The following STAMBPL1 variants were observed in gnomAD, a reference collection of about 807,000 sequenced individuals.
STAMBPL1 encodes the protein AMSH-like protease.
STAMBPL1 carries 44 observed loss-of-function variants against 52.9 expected under a neutral mutation model. The ratio of observed to expected loss-of-function variants is 0.83; its 90% CI spans 0.65 to 1.07. STAMBPL1 has a LOEUF of 1.07. Among genes scored for constraint, STAMBPL1 ranks in the 50% least tolerant of loss-of-function variants. STAMBPL1 has a pLI of 0.00. For missense variants in STAMBPL1, 511 were observed against 520.8 expected (o/e 0.98, Z 0.18); for synonymous variants, 164 against 177.3 (o/e 0.92, Z 0.60).
chr10:88,916,745 T>G lies in STAMBPL1; in HGVS notation c.969T>G (p.Cys323Trp). ...AGCAGTCTGCGGGACCAGACTATTG[T>G]GACATGGAGAATGTAGAGGAATTAT... ...VPKQSAGPDY[C>W]DMENVEELFN... is the part of the protein sequence containing the mutation. The change falls in exon 8 of 11, where the codon TGT becomes TGG. Residue 323 changes from cysteine to tryptophan, a missense_variant. Cys to Trp is a radical substitution (Grantham distance 215). Around this residue, in one of 3 missense-constraint regions of STAMBPL1, gnomAD observed 137 missense variants for 139.9 expected, o/e 0.98. Transcript: ENST00000371926. The G allele has an allele frequency of 6.2e-7, 1 of 1,610,864 alleles. No individual in the cohort carries two copies. The highest frequency in any genetic ancestry group is 8.5e-7 in the Non-Finnish European group (1 of 1,178,602).
chr10:88,903,771 C>G (rs1324452736), intron 2 of STAMBPL1, among the ~76,000 whole-genome samples: 2 of 152,172 alleles, frequency 1.3e-5, no homozygotes, highest in African/African-American at 4.8e-5. Flanking sequence ...AAGCCCGAGG[C>G]TCAAAGTTCA....
At chr10:88,908,171 G>C (rs571497666) in intron 3 of STAMBPL1, among the ~76,000 whole-genome samples, 1 of 152,180 alleles carries the variant, frequency 6.6e-6, no homozygotes, top group Admixed American at 6.5e-5. Flanking sequence ...AAACGGTGAC[G>C]AAAAATAATG....
At position 88,913,146 on chromosome 10, in the gene STAMBPL1, T is replaced by G; in HGVS notation, c.466T>G (p.Leu156Val). 6.2e-7 allele frequency: 1 copy of G among 1,611,734 alleles called. No individual in the cohort carries two copies. The highest frequency in any genetic ancestry group is 8.5e-7 in the Non-Finnish European group (1 of 1,178,988). Residue 156 changes from leucine to valine, a missense_variant, in exon 6 of 11, where the codon TTG becomes GTG. Physicochemically the swap from Leu to Val is conservative, Grantham distance 32 (BLOSUM62 1). Around this residue, in one of 3 missense-constraint regions of STAMBPL1, gnomAD observed 358 missense variants for 343.5 expected, o/e 1.04. Coordinates refer to ENST00000371926, the MANE Select transcript of STAMBPL1 (RefSeq NM_020799.4). Reference sequence around the variant, plus strand: ...TCTCAAAAAATTGGAGCATCAGAGATTGATAGAGGCAGAAAGGAAGCGGAT... The same window carrying G: ...TCTCAAAAAATTGGAGCATCAGAGAGTGATAGAGGCAGAAAGGAAGCGGAT... ...EILKKLEHQR[L>V]IEAERKRIAQ...
In STAMBPL1 at chr10:88,923,391, G is replaced by T; in HGVS notation, c.*167G>T. ...TTGCACATTTTAAAGTTTTCTTTTT[G>T]GGTTGCTCTGTGTCAAGAGAGGTTA... On this transcript the variant is annotated 3_prime_UTR_variant, in exon 11 of 11. Coordinates refer to ENST00000371926, the MANE Select transcript of STAMBPL1 (RefSeq NM_020799.4). 7.3e-7 allele frequency: 1 copy of T among 1,368,482 alleles called. No homozygotes were observed. The highest frequency in any genetic ancestry group is 9.4e-7 in the Non-Finnish European group (1 of 1,067,384). 84.8% of individuals were successfully genotyped at this position (1,368,482 alleles called of 1,614,324 possible).
chr10:88,897,457 C>G (rs560896462), intron 1 of STAMBPL1, among the ~76,000 whole-genome samples: 2 of 152,196 alleles, frequency 1.3e-5, no homozygotes, highest in African/African-American at 4.8e-5. Context: ...GCAATAAAAG[C>G]AAGAAGGCAA....
At chr10:88,883,899 T>A (rs975240983) in intron 1 of STAMBPL1, among the ~76,000 whole-genome samples, 1 of 152,212 alleles carries the variant, frequency 6.6e-6, no homozygotes, top group East Asian at 1.9e-4. Context: ...GACTCCTTTT[T>A]TTTTGTTTTT....
rs570841518 is a variant in STAMBPL1, at chr10:88,886,695, G to T, written c.-54+6057G>T. Among the ~76,000 whole-genome samples the T allele has an allele frequency of 6.6e-5, 10 of 152,268 alleles. 1 individual carries two copies. The highest frequency in any genetic ancestry group is 4.1e-4 in the South Asian group (2 of 4,826). On this transcript the variant is annotated intron_variant, in intron 1 of 10. Transcript: ENST00000371926. ...TTAATTTAGAAACAGGAGGCCAGTG[G>T]TGACTCATTTTTAACCCTTTTTAGC...
intron 1 of STAMBPL1, chr10:88,882,249 T>A (rs1844424359): frequency 6.6e-6 from 1 of 152,178 alleles, no homozygotes; most frequent in Admixed American, 6.5e-5. Context: ...ATTCTTACGG[T>A]TTGTGGGAGG....
chr10:88,887,901 G>A (rs922414487), intron 1 of STAMBPL1, among the ~76,000 whole-genome samples: 3 of 152,184 alleles, frequency 2.0e-5, no homozygotes, highest in African/African-American at 7.2e-5. Flanking sequence ...ATCCGCTTAA[G>A]AGCTAAATCT....
Position 88,922,435 on chromosome 10 carries a change from G to C in STAMBPL1, c.1253G>C (p.Ser418Thr). 1 of 1,613,116 alleles carries C rather than the reference G, an allele frequency of 6.2e-7. No homozygotes were observed. The highest frequency in any genetic ancestry group is 8.5e-7 in the Non-Finnish European group (1 of 1,179,468). Residue 418 changes from serine (S) to threonine (T), a missense_variant and splice_region_variant, in exon 10 of 11, where the codon AGT (serine) becomes ACT (threonine). This residue lies in a region of STAMBPL1 where 137 missense variants were observed against 139.9 expected (regional missense o/e 0.98). Transcript: ENST00000371926. ...CACACCAAGGAGCCCAGGCTGTTCA[G>C]TGTGAGTACATCATATTAGTTATTT... ...HPHTKEPRLF[S>T]ICKHVLVKDI...
chr10:88,917,579 G>A (rs1202090404), intron 8 of STAMBPL1, among the ~76,000 whole-genome samples: 1 of 152,254 alleles, frequency 6.6e-6, no homozygotes, highest in African/African-American at 2.4e-5. Context: ...CATATTAAAT[G>A]AGATACTATT....
At chr10:88,921,254 A>C (rs551964882) in intron 8 of STAMBPL1, 29 bp from the exon 9 acceptor site, 2 of 1,571,824 alleles carry the variant, frequency 1.3e-6, no homozygotes, top group East Asian at 4.5e-5. Context: ...CAGCTATCCT[A>C]GTAAGATTAT....
chr10:88,909,022 A>G (rs1414034846), intron 4 of STAMBPL1, among the ~76,000 whole-genome samples: 1 of 152,188 alleles, frequency 6.6e-6, no homozygotes, highest in Non-Finnish European at 1.5e-5. Context: ...GTGAGGAAGG[A>G]ATTATTTTAC....
intron 1 of STAMBPL1, among the ~76,000 whole-genome samples, chr10:88,889,535 A>G (rs1844624774): frequency 6.6e-6 from 1 of 152,206 alleles, no homozygotes; most frequent in Non-Finnish European, 1.5e-5. Flanking sequence ...TTTACAGATA[A>G]TAAATATTAT....
At chr10:88,921,541 T>C (rs1168616248) in intron 9 of STAMBPL1, 146 bp downstream of exon 9, 2 of 614,328 alleles carry the variant, frequency 3.3e-6, no homozygotes, top group African/African-American at 1.8e-5. Flanking sequence ...TCAGCTGCCA[T>C]AGACCTATAG....
chr10:88,915,287 G>A (rs535021534), intron 7 of STAMBPL1, among the ~76,000 whole-genome samples: 130 of 152,298 alleles, frequency 8.5e-4, no homozygotes, highest in Middle Eastern at 3.4e-3. Flanking sequence ...TTCATAGTCT[G>A]TTTTGAGTAC....
intron 2 of STAMBPL1, among the ~76,000 whole-genome samples, chr10:88,902,159 G>A (rs1400499005): frequency 2.0e-5 from 3 of 152,154 alleles, no homozygotes; most frequent in African/African-American, 7.2e-5. Flanking sequence ...TCGTGTAAAT[G>A]TCTTTGTACT....
chr10:88,916,575 C>T, intron 7 of STAMBPL1, 105 bp from the exon 8 acceptor site: 1 of 1,126,298 alleles, frequency 8.9e-7, no homozygotes, highest in Non-Finnish European at 1.2e-6. Flanking sequence ...CCTGGACACA[C>T]CCCCCTGCTG....
intron 1 of STAMBPL1, among the ~76,000 whole-genome samples, chr10:88,891,929 T>C (rs962142950): frequency 6.6e-6 from 1 of 152,110 alleles, no homozygotes; most frequent in Admixed American, 6.5e-5. Flanking sequence ...CCTTGGATTG[T>C]ATTGAATGAA....
Sources: gnomAD v4.1 joint callset for allele counts (sites outside exome capture counted in the v4.1 genomes callset) on GRCh38, gnomAD v4.1.1 for gene constraint, gnomAD v4.1.1 regional missense constraint, MANE v1.5 for transcripts, NCBI Gene and HGNC (gene_info 2026-07-23, HGNC 2026-07-21) for gene names.